The following PLAAT1 variants were observed in gnomAD, a reference collection of about 807,000 sequenced individuals.
PLAAT1 encodes the protein phospholipase A and acyltransferase 1.
In PLAAT1, 13 loss-of-function variants were observed where a neutral mutation model predicts 16.4. The ratio of observed to expected loss-of-function variants is 0.79; its 90% CI spans 0.52 to 1.26. The LOEUF (loss-of-function observed/expected upper bound fraction) is 1.26, where lower values mean the gene tolerates loss of function less well. Among genes scored for constraint, PLAAT1 ranks in the 50% most tolerant of loss-of-function variants. The pLI is 0.00. For missense variants in PLAAT1, 218 were observed against 207.8 expected, an observed-to-expected ratio of 1.05 and a Z score of -0.30; for synonymous variants, 73 against 78.4, an observed-to-expected ratio of 0.93 and a Z score of 0.36.
chr3:193,274,530 G>A (rs542840888), downstream of PLAAT1, among the ~76,000 whole-genome samples: 9 of 152,276 alleles, frequency 5.9e-5, no homozygotes, highest in Non-Finnish European at 1.0e-4. Flanking sequence ...TTGAATTTCC[G>A]AAAGGGTTGA....
chr3:193,274,093 A>C (rs2367476), downstream of PLAAT1, among the ~76,000 whole-genome samples: 58,259 of 151,764 alleles, frequency 0.38, 12,789 homozygotes, highest in Non-Finnish European at 0.48. Context: ...AAAATACAAA[A>C]ATTATCTGGG....
At chr3:193,243,024 A>G (rs1577295971) in intron 1 of PLAAT1, among the ~76,000 whole-genome samples, 1 of 152,144 alleles carries the variant, frequency 6.6e-6, no homozygotes, top group African/African-American at 2.4e-5. Context: ...GGGAACATTT[A>G]TTTATTTTGA....
chr3:193,247,754 A>G (rs1281467379), intron 1 of PLAAT1, among the ~76,000 whole-genome samples: 1 of 151,938 alleles, frequency 6.6e-6, no homozygotes, highest in Non-Finnish European at 1.5e-5. Flanking sequence ...TCCTCCTGTT[A>G]TTGATTTCTA....
At chr3:193,273,685 T>G (rs1414495594), downstream of PLAAT1, among the ~76,000 whole-genome samples, 1 of 152,214 alleles carries the variant, frequency 6.6e-6, no homozygotes, top group Non-Finnish European at 1.5e-5. Flanking sequence ...ATTTAAAATG[T>G]TCACTAGAAA....
intron 3 of PLAAT1, among the ~76,000 whole-genome samples, chr3:193,266,603 G>A (rs1215464876): frequency 6.6e-6 from 1 of 152,106 alleles, no homozygotes; most frequent in Non-Finnish European, 1.5e-5. Context: ...TTAGTGGAGT[G>A]TCCTTGAACC....
chr3:193,262,289 T>G (rs1426478647), intron 2 of PLAAT1, among the ~76,000 whole-genome samples: 1 of 150,958 alleles, frequency 6.6e-6, no homozygotes, highest in Non-Finnish European at 1.5e-5. Flanking sequence ...CCTGGGGCCA[T>G]GTCTGGTAGA....
chr3:193,272,079 TTC>T (rs998016566), downstream of PLAAT1, among the ~76,000 whole-genome samples: 56 of 152,152 alleles, frequency 3.7e-4, no homozygotes, highest in Admixed American at 2.8e-3. Flanking sequence ...GAGAGAAAAT[TTC>T]TCTTTCATTT....
chr3:193,272,834 G>T (rs1717029461), downstream of PLAAT1, among the ~76,000 whole-genome samples: 1 of 147,318 alleles, frequency 6.8e-6, no homozygotes, highest in Non-Finnish European at 1.5e-5. Flanking sequence ...AAAGCCATCA[G>T]TTTCCCATAA....
At chr3:193,277,392 T>C (rs1360248129) in intron 2 of PLAAT1, among the ~76,000 whole-genome samples, 1 of 152,092 alleles carries the variant, frequency 6.6e-6, no homozygotes, top group Admixed American at 6.6e-5. Context: ...TTAAATATGC[T>C]TATTTAAAGT....
downstream of PLAAT1, among the ~76,000 whole-genome samples, chr3:193,280,255 A>G (rs1328534862): frequency 6.6e-6 from 1 of 152,016 alleles, no homozygotes; most frequent in Non-Finnish European, 1.5e-5. Context: ...GGGTTTCACC[A>G]TATTGGCCAG....
At chr3:193,256,292 G>T (rs189682803) in intron 2 of PLAAT1, among the ~76,000 whole-genome samples, 10 of 152,254 alleles carry the variant, frequency 6.6e-5, no homozygotes, top group Admixed American at 6.5e-4. Flanking sequence ...AAGAAGGTAG[G>T]ATGAGAAGTG....
intron 3 of PLAAT1, among the ~76,000 whole-genome samples, chr3:193,264,012 A>G (rs1470817329): frequency 6.6e-6 from 1 of 152,224 alleles, no homozygotes; most frequent in Admixed American, 6.5e-5. Flanking sequence ...ATACATATAA[A>G]AGTGTTCATT....
chr3:193,270,387 A>G (rs1243209621), intron 3 of PLAAT1, among the ~76,000 whole-genome samples: 5 of 152,110 alleles, frequency 3.3e-5, no homozygotes, highest in African/African-American at 1.2e-4. Flanking sequence ...AGGAATATAT[A>G]CCCATGTGTA....
intron 2 of PLAAT1, among the ~76,000 whole-genome samples, chr3:193,260,981 T>C (rs1182527811): frequency 6.6e-6 from 1 of 152,198 alleles, no homozygotes; most frequent in Non-Finnish European, 1.5e-5. Flanking sequence ...TTCTGGGTGG[T>C]GGGATAATGG....
At chr3:193,276,928 T>C in intron 2 of PLAAT1, 1 of 898,364 alleles carries the variant, frequency 1.1e-6, no homozygotes, top group Non-Finnish European at 1.7e-6. Flanking sequence ...AATAACTCTC[T>C]GAGCTTAGTG....
At chr3:193,262,655 T>C (rs1716628398) in intron 2 of PLAAT1, among the ~76,000 whole-genome samples, 1 of 152,126 alleles carries the variant, frequency 6.6e-6, no homozygotes, top group East Asian at 1.9e-4. Flanking sequence ...TACCAACATC[T>C]CTAATAATAT....
chr3:193,255,067 A>G (rs1246167694), intron 1 of PLAAT1, among the ~76,000 whole-genome samples: 2 of 152,002 alleles, frequency 1.3e-5, no homozygotes, highest in African/African-American at 4.8e-5. Context: ...ATCCACCCCT[A>G]CCTCTGCTTC....
intron 2 of PLAAT1, among the ~76,000 whole-genome samples, chr3:193,262,438 C>T (rs1716618786): frequency 6.7e-6 from 1 of 150,210 alleles, no homozygotes. Flanking sequence ...AGGTACCATG[C>T]GGGTTTCGGA....
intron 1 of PLAAT1, among the ~76,000 whole-genome samples, chr3:193,253,325 T>C (rs1716261447): frequency 6.6e-6 from 1 of 152,206 alleles, no homozygotes; most frequent in Non-Finnish European, 1.5e-5. Context: ...ATATGTCAAA[T>C]TGAAAATTTG....
Sources: gnomAD v4.1 joint callset for allele counts (sites outside exome capture counted in the v4.1 genomes callset) on GRCh38, gnomAD v4.1.1 for gene constraint, MANE v1.5 for transcripts, NCBI Gene and HGNC (gene_info 2026-07-23, HGNC 2026-07-21) for gene names.